TENM4: variants seen among roughly 807,000 people sequenced by gnomAD.
The protein encoded by TENM4 is teneurin-4.
A neutral mutation model predicts 243.3 loss-of-function variants in TENM4; 82 were observed. That is an observed-to-expected ratio of 0.34 (90% CI 0.28 to 0.40). The LOEUF (loss-of-function observed/expected upper bound fraction) is 0.40, where lower values mean the gene tolerates loss of function less well. Ranked by LOEUF, TENM4 falls within the 10% of genes least tolerant of loss-of-function variation. The pLI is 1.00. For synonymous variants in TENM4, 1,412 were observed against 1,456.3 expected (o/e 0.97, Z 0.69); for missense variants, 3,138 against 3,673.3 (o/e 0.85, Z 3.77).
chr11:79,101,210 A>G (rs909687492), intron 4 of TENM4, among the ~76,000 whole-genome samples: 4 of 152,204 alleles, frequency 2.6e-5, no homozygotes, highest in African/African-American at 9.7e-5. Context: ...TGTTATAAAC[A>G]CTCTCTGTAG....
intron 12 of TENM4, among the ~76,000 whole-genome samples, chr11:78,842,137 G>C (rs1858273163): frequency 6.6e-6 from 1 of 152,124 alleles, no homozygotes; most frequent in Non-Finnish European, 1.5e-5. Context: ...CTGCCTATTA[G>C]TAACTGCCAA....
chr11:78,961,121 G>A (rs973842586), intron 6 of TENM4, among the ~76,000 whole-genome samples: 3 of 152,192 alleles, frequency 2.0e-5, no homozygotes, highest in Non-Finnish European at 2.9e-5. Flanking sequence ...TTGAACCTCT[G>A]CCTCCTTTTT....
chr11:79,110,799 G>A (rs1443923713), intron 4 of TENM4, among the ~76,000 whole-genome samples: 2 of 152,182 alleles, frequency 1.3e-5, no homozygotes, highest in Non-Finnish European at 2.9e-5. Context: ...CTGAGAGATA[G>A]GCCCTTTGCC....
chr11:78,684,853 C>G (rs1458433891), intron 29 of TENM4, among the ~76,000 whole-genome samples: 3 of 152,164 alleles, frequency 2.0e-5, no homozygotes, highest in African/African-American at 7.2e-5. Flanking sequence ...ATAAGTGCTC[C>G]AAAAATGTTA....
At chr11:78,744,454 G>GA (rs748710472) in intron 19 of TENM4, among the ~76,000 whole-genome samples, 7 of 152,194 alleles carry the variant, frequency 4.6e-5, no homozygotes, top group Non-Finnish European at 7.3e-5. Context: ...TTCAGACAGG[G>GA]AATGGACTTG....
intron 12 of TENM4, among the ~76,000 whole-genome samples, chr11:78,818,252 G>A (rs1857651116): frequency 6.6e-6 from 1 of 152,162 alleles, no homozygotes. Flanking sequence ...ATTTTTAACA[G>A]GATCAACTGC....
rs547577508 is a variant in TENM4 at position 78,670,026 on chromosome 11, G to A, written c.6319C>T (p.Leu2107Phe). The A allele has an allele frequency of 6.2e-7, 1 of 1,613,966 alleles. No individual in the cohort carries two copies. The highest frequency in any genetic ancestry group is 1.1e-5 in the South Asian group (1 of 91,072). Residue 2107 changes from leucine to phenylalanine, a missense_variant, in exon 32 of 34, where the codon CTC becomes TTC. This residue lies in a region of TENM4 where 2,467 missense variants were observed against 3,059.1 expected (regional missense o/e 0.81). Transcript: ENST00000278550. Reference sequence around the variant, plus strand: ...CCTGACACATCATCATAGCGATAGAGATCAATGGGCAGTGGGGTCTCGTTG... The same window carrying A: ...CCTGACACATCATCATAGCGATAGAAATCAATGGGCAGTGGGGTCTCGTTG... The part of the protein sequence containing the change: ...VINETPLPID[L>F]YRYDDVSGKT...
chr11:79,124,564 G>A (rs1168842331), intron 4 of TENM4, among the ~76,000 whole-genome samples: 1 of 151,306 alleles, frequency 6.6e-6, no homozygotes, highest in East Asian at 2.0e-4. Flanking sequence ...GACAGTGTGA[G>A]TTAATACTTA....
intron 4 of TENM4, among the ~76,000 whole-genome samples, chr11:79,111,337 A>C (rs1352491334): frequency 6.6e-6 from 1 of 152,162 alleles, no homozygotes; most frequent in Non-Finnish European, 1.5e-5. Flanking sequence ...CAAGGTCAGG[A>C]GATTGAGACC....
At chr11:79,293,179 T>C (rs1856385454) in intron 2 of TENM4, among the ~76,000 whole-genome samples, 2 of 152,194 alleles carry the variant, frequency 1.3e-5, no homozygotes, top group African/African-American at 4.8e-5. Flanking sequence ...TCTAAATATG[T>C]GAGTTCAAAT....
At chr11:78,732,267 C>T (rs752982512) in intron 21 of TENM4, 49 bp downstream of exon 21, 2 of 1,544,914 alleles carry the variant, frequency 1.3e-6, no homozygotes, top group African/African-American at 2.7e-5. Context: ...TCCTCCACCC[C>T]CAAAATGAAA....
intron 3 of TENM4, among the ~76,000 whole-genome samples, chr11:79,194,847 TC>T (rs1311676934): frequency 6.6e-6 from 1 of 152,178 alleles, no homozygotes; most frequent in Non-Finnish European, 1.5e-5. Context: ...CTAATATTAA[TC>T]CCCAAGACCA....
chr11:79,416,497 T>A (rs1858816775), intron 1 of TENM4, among the ~76,000 whole-genome samples: 1 of 152,204 alleles, frequency 6.6e-6, no homozygotes, highest in Non-Finnish European at 1.5e-5. Context: ...CATGTGCCTC[T>A]TTTTTGACAA....
At chr11:78,899,914 T>C (rs1187911208) in intron 7 of TENM4, among the ~76,000 whole-genome samples, 3 of 152,228 alleles carry the variant, frequency 2.0e-5, no homozygotes, top group African/African-American at 7.2e-5. Context: ...TTTTTCTTTA[T>C]AAATTACCCA....
chr11:79,381,182 A>G (rs915500758), intron 1 of TENM4, among the ~76,000 whole-genome samples: 2 of 152,058 alleles, frequency 1.3e-5, no homozygotes, highest in African/African-American at 2.4e-5. Flanking sequence ...AGTGCTCCCC[A>G]GGTAGCCCAA....
intron 12 of TENM4, among the ~76,000 whole-genome samples, chr11:78,840,775 A>G (rs755163468): frequency 2.6e-5 from 4 of 152,176 alleles, no homozygotes; most frequent in Non-Finnish European, 2.9e-5. Context: ...GGAACTGGGT[A>G]CTGACTTGGG....
At chr11:78,905,755 G>C (rs1203225845) in intron 6 of TENM4, among the ~76,000 whole-genome samples, 1 of 152,248 alleles carries the variant, frequency 6.6e-6, no homozygotes, top group Non-Finnish European at 1.5e-5. Flanking sequence ...GATGTTCCTT[G>C]CTGGGAAGGG....
chr11:79,214,079 C>T (rs1864002024), intron 3 of TENM4, among the ~76,000 whole-genome samples: 2 of 151,820 alleles, frequency 1.3e-5, no homozygotes, highest in African/African-American at 4.8e-5. Context: ...GCAACTTCTG[C>T]CTCCAGAGTT....
chr11:79,306,960 T>C (rs1280270272), intron 1 of TENM4, among the ~76,000 whole-genome samples: 1 of 152,212 alleles, frequency 6.6e-6, no homozygotes, highest in Non-Finnish European at 1.5e-5. Context: ...CCAAATTTTA[T>C]TTCGTAAGGG....
Sources: gnomAD v4.1 joint callset for allele counts (sites outside exome capture counted in the v4.1 genomes callset) on GRCh38, gnomAD v4.1.1 for gene constraint, gnomAD v4.1.1 regional missense constraint, MANE v1.5 for transcripts, NCBI Gene and HGNC (gene_info 2026-07-23, HGNC 2026-07-21) for gene names.